The following PTPRM variants were observed in gnomAD, a reference collection of about 807,000 sequenced individuals.
PTPRM encodes protein tyrosine phosphatase receptor type M.
A neutral mutation model predicts 186.7 loss-of-function variants in PTPRM; 47 were observed. The ratio of observed to expected loss-of-function variants is 0.25; its 90% confidence interval spans 0.20 to 0.32. The LOEUF is 0.32. Ranked by LOEUF, PTPRM falls within the 10% of genes least tolerant of loss-of-function variation. PTPRM has a pLI of 1.00. For missense variants in PTPRM, 1,494 were observed against 1,865.0 expected (o/e 0.80, Z 3.66); for synonymous variants, 668 against 674.9 (o/e 0.99, Z 0.16).
chr18:7,701,320 G>C (rs1598398602), intron 1 of PTPRM, among the ~76,000 whole-genome samples: 1 of 148,492 alleles, frequency 6.7e-6, no homozygotes, highest in East Asian at 2.0e-4. Flanking sequence ...AAAAAAAAAG[G>C]CTGGATGTGG....
chr18:7,783,950 G>C (rs750505955), intron 2 of PTPRM, among the ~76,000 whole-genome samples: 4 of 151,976 alleles, frequency 2.6e-5, no homozygotes, highest in Non-Finnish European at 5.9e-5. Flanking sequence ...AGTCACAGGG[G>C]TTTGGAGTGG....
intron 2 of PTPRM, among the ~76,000 whole-genome samples, chr18:7,830,574 T>A (rs1217142414): frequency 6.6e-6 from 1 of 152,144 alleles, no homozygotes; most frequent in Non-Finnish European, 1.5e-5. Context: ...AGGAAAGTCG[T>A]TAGGCAGTAC....
At chr18:7,665,731 C>T (rs917303032) in intron 1 of PTPRM, among the ~76,000 whole-genome samples, 7 of 151,960 alleles carry the variant, frequency 4.6e-5, no homozygotes, top group Non-Finnish European at 1.0e-4. Flanking sequence ...TCGAGACCAT[C>T]CTGGCCAATG....
intron 7 of PTPRM, among the ~76,000 whole-genome samples, chr18:8,004,101 A>G (rs1462636364): frequency 1.3e-5 from 2 of 152,198 alleles, no homozygotes; most frequent in African/African-American, 4.8e-5. Context: ...GGCCTCAGAG[A>G]ACATGACAGA....
intron 15 of PTPRM, among the ~76,000 whole-genome samples, chr18:8,245,457 A>C (rs1454439934): frequency 6.6e-6 from 1 of 152,162 alleles, no homozygotes; most frequent in Non-Finnish European, 1.5e-5. Flanking sequence ...CAGTGCAGGA[A>C]ATAGAAGCTA....
intron 7 of PTPRM, among the ~76,000 whole-genome samples, chr18:8,003,709 T>A (rs1254924054): frequency 1.3e-5 from 2 of 152,258 alleles, no homozygotes; most frequent in Non-Finnish European, 2.9e-5. Flanking sequence ...CGAATGCTTT[T>A]AAGAGATTGT....
At chr18:7,893,793 C>T (rs1259976998) in intron 3 of PTPRM, among the ~76,000 whole-genome samples, 2 of 152,104 alleles carry the variant, frequency 1.3e-5, no homozygotes, top group African/African-American at 4.8e-5. Flanking sequence ...ATTGTAGATG[C>T]GGCAAGAGAA....
chr18:8,262,047 T>G (rs901844207), intron 19 of PTPRM, among the ~76,000 whole-genome samples: 2 of 152,172 alleles, frequency 1.3e-5, no homozygotes, highest in Non-Finnish European at 2.9e-5. Context: ...ATTAGTTTGA[T>G]GCTGTCACCG....
chr18:7,924,406 G>A (rs1179787013), intron 4 of PTPRM, among the ~76,000 whole-genome samples: 2 of 152,036 alleles, frequency 1.3e-5, no homozygotes, highest in South Asian at 2.1e-4. Flanking sequence ...ACAGCTTTTG[G>A]CTTCTAATAT....
intron 1 of PTPRM, among the ~76,000 whole-genome samples, chr18:7,738,693 G>A (rs2040826074): frequency 1.3e-5 from 2 of 151,540 alleles, no homozygotes; most frequent in African/African-American, 2.4e-5. Context: ...CACCCGCCTC[G>A]GCCTCCCAAA....
rs1445243745 is a variant in PTPRM at position 7,752,414 on chromosome 18, T to G, written c.74-21735T>G. ...GAAACATGACAGTAATGGTTAGTTT[T>G]AGATTTTATTTATTTTTATTTTTTA... On this transcript the variant is annotated intron_variant, in intron 1 of 32. Coordinates refer to ENST00000580170, the MANE Select transcript of PTPRM (RefSeq NM_001105244.2). Among the ~76,000 whole-genome samples the G allele has an allele frequency of 1.7e-4, 26 of 152,052 alleles. 1 individual carries two copies. The highest frequency in any genetic ancestry group is 1.7e-3 in the Admixed American group (26 of 15,266).
At chr18:8,010,329 G>A (rs956890015) in intron 7 of PTPRM, among the ~76,000 whole-genome samples, 4 of 152,136 alleles carry the variant, frequency 2.6e-5, no homozygotes, top group African/African-American at 9.7e-5. Context: ...CCCAAGGTAA[G>A]TACAAAAGTA....
chr18:8,055,641 CTT>C (rs143401519), intron 7 of PTPRM, among the ~76,000 whole-genome samples: 5,143 of 152,188 alleles, frequency 0.034, 283 homozygotes, highest in African/African-American at 0.12. Flanking sequence ...TTTCTTATCT[CTT>C]TTGACTCTGT....
At position 8,246,667 on chromosome 18, in the gene PTPRM, GCT is replaced by G. The variant is rs563770591; in HGVS notation, c.2453-1175_2453-1174del. Among the ~76,000 whole-genome samples, 56 of 152,046 alleles carry G rather than the reference GCT, an allele frequency of 3.7e-4. 1 individual carries two copies. The South Asian group carries it at 8.5e-3, about 23-fold the overall frequency. Reference sequence around the variant, plus strand: ...TTTCATTCTTATTTTCATCCATTGTGCTCTTTTTCCAGGCTTCTTACCATAAA... The same window carrying G: ...TTTCATTCTTATTTTCATCCATTGTGCTTTTTCCAGGCTTCTTACCATAAA... On this transcript the variant is annotated intron_variant, in intron 15 of 32. Transcript: ENST00000580170.
At chr18:8,310,357 C>G (rs2095258703) in intron 20 of PTPRM, among the ~76,000 whole-genome samples, 2 of 151,570 alleles carry the variant, frequency 1.3e-5, no homozygotes, top group South Asian at 4.2e-4. Flanking sequence ...CCTGTGGCTT[C>G]CCACGGTGCT....
intron 1 of PTPRM, chr18:7,749,334 C>A (rs75915663): frequency 6.6e-6 from 1 of 151,066 alleles, no homozygotes; most frequent in Non-Finnish European, 1.5e-5. Flanking sequence ...AAAAAAAAAA[C>A]AACAAAAAAA....
At chr18:7,751,140 T>C (rs2041196256) in intron 1 of PTPRM, 1 of 152,156 alleles carries the variant, frequency 6.6e-6, no homozygotes, top group Non-Finnish European at 1.5e-5. Flanking sequence ...TCAAGGTCAA[T>C]GTCACTTTGT....
chr18:8,030,269 T>A (rs964752101), intron 7 of PTPRM, among the ~76,000 whole-genome samples: 2 of 152,234 alleles, frequency 1.3e-5, no homozygotes. Flanking sequence ...CGTCTTTAAT[T>A]TTCCCAGCAG....
At chr18:7,658,358 A>G (rs979326744) in intron 1 of PTPRM, among the ~76,000 whole-genome samples, 1 of 143,306 alleles carries the variant, frequency 7.0e-6, no homozygotes, top group African/African-American at 2.7e-5. Flanking sequence ...ATATATATAT[A>G]TACATACACA....
Sources: allele counts gnomAD v4.1 joint callset (sites outside exome capture counted in the v4.1 genomes callset), GRCh38; gene constraint gnomAD v4.1.1; transcripts MANE v1.5; gene names NCBI Gene and HGNC (gene_info 2026-07-23, HGNC 2026-07-21).